PLCB4: variants seen among roughly 807,000 people sequenced by gnomAD.
PLCB4 encodes the protein phospholipase C beta 4, also known as 1-phosphatidylinositol 4,5-bisphosphate phosphodiesterase beta-4.
In PLCB4, 77 loss-of-function variants were observed where a neutral mutation model predicts 178.8. The observed-to-expected ratio is 0.43, with a 90% CI of 0.36 to 0.52. The LOEUF is 0.52. Among genes scored for constraint, PLCB4 ranks in the 20% least tolerant of loss-of-function variants. PLCB4 has a pLI of 0.00. For missense variants in PLCB4, 1,024 were observed against 1,453.4 expected (o/e 0.70, Z 4.80); for synonymous variants, 496 against 490.8 (o/e 1.01, Z -0.14).
At chr20:9,376,120 G>A (rs1476988780) in intron 12 of PLCB4, among the ~76,000 whole-genome samples, 1 of 152,036 alleles carries the variant, frequency 6.6e-6, no homozygotes, top group Non-Finnish European at 1.5e-5. Context: ...TTCAGTAGTA[G>A]CTTTAGACCT....
At chr20:9,108,429 T>A (rs769419062) in intron 2 of PLCB4, among the ~76,000 whole-genome samples, 1 of 152,026 alleles carries the variant, frequency 6.6e-6, no homozygotes, top group Non-Finnish European at 1.5e-5. Flanking sequence ...AGAATCCACC[T>A]GCTGAGTGTT....
intron 2 of PLCB4, among the ~76,000 whole-genome samples, chr20:9,208,588 G>A (rs999799522): frequency 6.6e-6 from 1 of 151,354 alleles, no homozygotes; most frequent in African/African-American, 2.4e-5. Flanking sequence ...TGCCTAGGCT[G>A]GGGTGCAGTG....
chr20:9,125,219 T>C (rs2092080485), intron 2 of PLCB4, among the ~76,000 whole-genome samples: 1 of 152,224 alleles, frequency 6.6e-6, no homozygotes, highest in Non-Finnish European at 1.5e-5. Flanking sequence ...GGATGTGTAT[T>C]GTTCTACCTG....
intron 2 of PLCB4, among the ~76,000 whole-genome samples, chr20:9,129,874 C>A (rs1246721857): frequency 2.0e-5 from 3 of 152,108 alleles, no homozygotes; most frequent in African/African-American, 4.8e-5. Context: ...AACAGCTCTA[C>A]AAACAAATAG....
chr20:9,127,333 C>T (rs996984161), intron 2 of PLCB4, among the ~76,000 whole-genome samples: 1 of 152,124 alleles, frequency 6.6e-6, no homozygotes, highest in East Asian at 1.9e-4. Flanking sequence ...TGAGGTACTT[C>T]ATACTGCTCA....
At chr20:9,249,836 G>A (rs373101022) in intron 3 of PLCB4, among the ~76,000 whole-genome samples, 1 of 152,138 alleles carries the variant, frequency 6.6e-6, no homozygotes, top group Non-Finnish European at 1.5e-5. Context: ...CTATGGGAAA[G>A]ACAGGACCCT....
chr20:9,171,289 T>C (rs2093059363), intron 2 of PLCB4, among the ~76,000 whole-genome samples: 1 of 152,198 alleles, frequency 6.6e-6, no homozygotes, highest in Non-Finnish European at 1.5e-5. Context: ...ATGTAGTGAT[T>C]TTCAAAGGTA....
chr20:9,158,649 A>G (rs560886045), intron 2 of PLCB4, among the ~76,000 whole-genome samples: 1 of 152,062 alleles, frequency 6.6e-6, no homozygotes, highest in East Asian at 1.9e-4. Context: ...TAAATGGAAA[A>G]CTATTATGTG....
chr20:9,097,454 G>T (rs1183576934), intron 2 of PLCB4, among the ~76,000 whole-genome samples: 1 of 151,802 alleles, frequency 6.6e-6, no homozygotes, highest in Non-Finnish European at 1.5e-5. Flanking sequence ...GATTTGGGGG[G>T]TGTTTTAAGG....
At position 9,107,754 on chromosome 20, in the gene PLCB4, G is replaced by T. The variant is rs186977055; in HGVS notation, c.-79+11412G>T. ...GAGAATTGGGACCCAAGAGTGCTGG[G>T]ATGTTACTTTTGAGAAGACTCACGT... On this transcript the variant is annotated intron_variant, in intron 2 of 39. Coordinates refer to ENST00000378473, the MANE Select transcript of PLCB4 (RefSeq NM_001377142.1). Among the ~76,000 whole-genome samples, 674 of 152,270 alleles carry T rather than the reference G, an allele frequency of 4.4e-3. 2 individuals carry two copies. Among genetic ancestry groups the T allele is most frequent in the Middle Eastern group, 0.017 (5 of 294 alleles).
At chr20:9,236,224 C>G (rs893221485) in intron 3 of PLCB4, among the ~76,000 whole-genome samples, 3 of 152,074 alleles carry the variant, frequency 2.0e-5, no homozygotes, top group Non-Finnish European at 4.4e-5. Context: ...CAGATAAAAC[C>G]AAGAATGTTT....
chr20:9,276,679 C>G (rs910184563), intron 3 of PLCB4, among the ~76,000 whole-genome samples: 2 of 152,058 alleles, frequency 1.3e-5, no homozygotes, highest in African/African-American at 4.8e-5. Flanking sequence ...ATTTCTGCCT[C>G]TAGCTCACAG....
intron 2 of PLCB4, among the ~76,000 whole-genome samples, chr20:9,141,876 G>A (rs1486844978): frequency 1.3e-5 from 2 of 152,058 alleles, no homozygotes; most frequent in Admixed American, 6.6e-5. Flanking sequence ...AGTAGAGGGA[G>A]AGGGCATTCT....
At chr20:9,333,377 A>G (rs1464474927) in intron 4 of PLCB4, among the ~76,000 whole-genome samples, 3 of 152,130 alleles carry the variant, frequency 2.0e-5, no homozygotes, top group South Asian at 2.1e-4. Flanking sequence ...GAGGAGCCTG[A>G]TGCACCAAGG....
At chr20:9,312,537 A>T (rs1037076837) in intron 4 of PLCB4, among the ~76,000 whole-genome samples, 1 of 152,116 alleles carries the variant, frequency 6.6e-6, no homozygotes, top group South Asian at 2.1e-4. Context: ...CCTCTTTCCA[A>T]GGTGGTTCTG....
intron 2 of PLCB4, among the ~76,000 whole-genome samples, chr20:9,192,288 A>C (rs535080702): frequency 6.6e-6 from 1 of 152,266 alleles, no homozygotes; most frequent in East Asian, 1.9e-4. Context: ...CACCTTGTAT[A>C]GTTTTGTGAT....
Position 9,435,617 on chromosome 20 carries a change from C to T in PLCB4, c.2582C>T (p.Ala861Val). The T allele has an allele frequency of 6.2e-7, 1 of 1,606,664 alleles. No homozygotes were observed. Among genetic ancestry groups the T allele is most frequent in the Non-Finnish European group, 8.5e-7 (1 of 1,173,854 alleles). Reference protein sequence around the residue: ...KKFLSITEKRADQMRAMGIET... With the variant: ...KKFLSITEKRVDQMRAMGIET... Reference sequence around the variant, plus strand: ...TTTCTCTCAATTACAGAAAAGAGAGCAGACCAAATGAGAGCTATGGGCATT... The same window carrying T: ...TTTCTCTCAATTACAGAAAAGAGAGTAGACCAAATGAGAGCTATGGGCATT... Residue 861 changes from alanine to valine, a missense_variant, in exon 29 of 40, where the codon GCA becomes GTA. Physicochemically the swap from Ala to Val is moderately conservative, Grantham distance 64. This residue lies in a region of PLCB4 where 227 missense variants were observed against 374.3 expected (regional missense o/e 0.61). Coordinates refer to ENST00000378473, the MANE Select transcript of PLCB4 (RefSeq NM_001377142.1).
chr20:9,174,911 A>G (rs1453108070), intron 2 of PLCB4, among the ~76,000 whole-genome samples: 1 of 152,146 alleles, frequency 6.6e-6, no homozygotes, highest in Non-Finnish European at 1.5e-5. Context: ...GGCAGGAACA[A>G]TTTGTCCGTC....
intron 2 of PLCB4, among the ~76,000 whole-genome samples, chr20:9,141,670 A>C (rs1008326468): frequency 6.6e-6 from 1 of 152,142 alleles, no homozygotes; most frequent in Non-Finnish European, 1.5e-5. Flanking sequence ...ACAAGTTGGT[A>C]TATAATCTTG....
Sources: allele counts gnomAD v4.1 joint callset (sites outside exome capture counted in the v4.1 genomes callset), GRCh38; gene constraint gnomAD v4.1.1; regional missense constraint gnomAD v4.1.1; transcripts MANE v1.5; gene names NCBI Gene and HGNC (gene_info 2026-07-23, HGNC 2026-07-21).